The following GNAS variants were observed in gnomAD, a reference collection of about 807,000 sequenced individuals.
GNAS encodes the protein GNAS complex locus.
GNAS carries 8 observed loss-of-function variants against 54.5 expected under a neutral mutation model. That is an observed-to-expected ratio of 0.15 (90% CI 0.09 to 0.26). The LOEUF is 0.26. Among genes scored for constraint, GNAS ranks in the 10% least tolerant of loss-of-function variants. The pLI is 1.00. For missense variants in GNAS, 170 were observed against 529.8 expected, an observed-to-expected ratio of 0.32 and a Z score of 6.67; for synonymous variants, 204 against 191.4, an observed-to-expected ratio of 1.07 and a Z score of -0.54.
At position 58,910,954 on chromosome 20, in the gene GNAS, A is replaced by G; in HGVS notation, c.*125A>G. 2 of 996,336 alleles carry G rather than the reference A, an allele frequency of 2.0e-6. No homozygotes were observed. Among genetic ancestry groups the G allele is most frequent in the Non-Finnish European group, 3.1e-6 (2 of 648,196 alleles). 61.7% of individuals were successfully genotyped at this position (996,336 alleles called of 1,614,324 possible). A position where few individuals can be genotyped will look rare whatever the true frequency, so the allele number is the denominator to read the frequency against. On this transcript the variant is annotated 3_prime_UTR_variant, in exon 13 of 13. Coordinates refer to ENST00000371085, the MANE Select transcript of GNAS (RefSeq NM_000516.7). The surrounding 1 kb of genome is among the most constrained non-coding windows in gnomAD (Gnocchi z 5.8). ...ACAAAGCAACCTTTCCCTTCCCCCG[A>G]GTGATTTTGCGAAACCCCCTTTTCC...
upstream of GNAS, chr20:58,839,990 G>A (rs544068079): frequency 3.0e-4 from 346 of 1,146,876 alleles, 4 homozygotes; most frequent in South Asian, 4.2e-3. Context: ...TGGGACCTCC[G>A]GGCCAGCTTC....
intron 3 of GNAS, among the ~76,000 whole-genome samples, chr20:58,902,725 CTTTTTT>C (rs60022134): frequency 4.3e-4 from 30 of 69,508 alleles, no homozygotes; most frequent in African/African-American, 1.1e-3. Flanking sequence ...GCACATACGA[CTTTTTT>C]TTTTTTTTTT....
chr20:58,899,827 C>A, intron 3 of GNAS: 2 of 679,848 alleles, frequency 2.9e-6, no homozygotes, highest in East Asian at 2.7e-5. Context: ...CCATCCAGAA[C>A]CATTGACTTA....
intron 1 of GNAS, among the ~76,000 whole-genome samples, chr20:58,884,149 G>T (rs796346269): frequency 6.6e-6 from 1 of 152,134 alleles, no homozygotes; most frequent in Non-Finnish European, 1.5e-5. Context: ...AGACCATAAC[G>T]GCAGGGCTGT....
At position 58,909,502 on chromosome 20, in the gene GNAS, C is replaced by T. The variant is rs370723643; in HGVS notation, c.660-19C>T. On this transcript the variant is annotated intron_variant, in intron 8 of 12. Transcript: ENST00000371085. This position sits in a 1 kb window ranked among gnomAD's most constrained non-coding sequence, Gnocchi z 7.3. ...ACCCCAGTCCCTCTGGAATAACCAG[C>T]TGTCCTCCTCCCCACCAGCATGTTT... 4.3e-6 allele frequency: 7 copies of T among 1,613,794 alleles called. No individual in the cohort carries two copies. In the African/African-American group the frequency reaches 6.7e-5, roughly 15 times the overall value.
chr20:58,855,197 G>A lies in GNAS; in HGVS notation c.43+14311G>A, dbSNP rs1342571328. The stretch of plus-strand genomic sequence containing the variant: ...TCAAGAAGGTACCCCTGGCGGAGAA[G>A]CGCAGACAGATGCGCAAAGAAGCCC... On this transcript the variant is annotated intron_variant, in intron 1 of 12. Transcript: ENST00000306090. The A allele has an allele frequency of 3.7e-6, 6 of 1,604,284 alleles. No individual in the cohort carries two copies. Among genetic ancestry groups the A allele is most frequent in the Non-Finnish European group, 3.4e-6 (4 of 1,175,466 alleles).
At chr20:58,842,522 G>A (rs960798976) in intron 1 of GNAS, 6 of 398,518 alleles carry the variant, frequency 1.5e-5, no homozygotes, top group African/African-American at 1.0e-4. Context: ...CGCAGACTGT[G>A]GTTGGATGCT....
At chr20:58,895,750 A>G (rs1260217523) in intron 2 of GNAS, 66 bp downstream of exon 2, 2 of 951,636 alleles carry the variant, frequency 2.1e-6, no homozygotes, top group Non-Finnish European at 3.5e-6. Context: ...AACCTTTAGG[A>G]AGTATAGGTG....
chr20:58,890,322 G>A (rs1469679905), upstream of GNAS, among the ~76,000 whole-genome samples: 2 of 147,430 alleles, frequency 1.4e-5, no homozygotes, highest in Non-Finnish European at 3.0e-5. Context: ...GGGCGCCGAG[G>A]AGGGCGCCGC....
At chr20:58,869,139 A>G (rs2087265741) in intron 1 of GNAS, among the ~76,000 whole-genome samples, 1 of 152,240 alleles carries the variant, frequency 6.6e-6, no homozygotes, top group Non-Finnish European at 1.5e-5. Flanking sequence ...ACGATCAGGT[A>G]ACCTCCAGAT....
At chr20:58,848,736 CACCCCCAGCTCTTACTAT>C (rs2086038778) in intron 1 of GNAS, 1 of 394,104 alleles carries the variant, frequency 2.5e-6, no homozygotes, top group Non-Finnish European at 4.5e-6. Flanking sequence ...ACTAGCCGAT[CACCCCCAGCTCTTACTAT>C]ACCGGATTCC....
At chr20:58,879,715 A>G (rs2088097108) in intron 1 of GNAS, among the ~76,000 whole-genome samples, 1 of 152,180 alleles carries the variant, frequency 6.6e-6, no homozygotes, top group Non-Finnish European at 1.5e-5. Context: ...GAGGGGGGAA[A>G]TGAAGCAGCA....
Position 58,853,731 on chromosome 20 carries a change from C to T in GNAS, c.43+12845C>T. Reference sequence around the variant, plus strand: ...CAGACCAGGCCTGGGAGGATACAGCCCTCCACCAGAAGAAGCTATGCCCTT... The same window carrying T: ...CAGACCAGGCCTGGGAGGATACAGCTCTCCACCAGAAGAAGCTATGCCCTT... On this transcript the variant is annotated intron_variant, in intron 1 of 12. Coordinates refer to the GNAS transcript ENST00000306090. The surrounding 1 kb of genome is among the most constrained non-coding windows in gnomAD (Gnocchi z 4.4). 6.2e-7 allele frequency: 1 copy of T among 1,613,848 alleles called. No homozygotes were observed. The highest frequency in any genetic ancestry group is 2.2e-5 in the East Asian group (1 of 44,862).
At chr20:58,854,338 C>T in intron 1 of GNAS, 1 of 1,589,800 alleles carries the variant, frequency 6.3e-7, no homozygotes, top group African/African-American at 1.3e-5. Flanking sequence ...GAGGAGGAAG[C>T]AGCAGAGATG....
At chr20:58,890,489 C>T (rs866533722), upstream of GNAS, among the ~76,000 whole-genome samples, 3 of 152,026 alleles carry the variant, frequency 2.0e-5, no homozygotes, top group Non-Finnish European at 4.4e-5. Context: ...TCGTGGTGTT[C>T]CTGGTCTTCT....
intron 1 of GNAS, among the ~76,000 whole-genome samples, chr20:58,862,116 A>G (rs1054836143): frequency 1.3e-5 from 2 of 152,112 alleles, no homozygotes; most frequent in Non-Finnish European, 2.9e-5. Context: ...CTTGGCACAT[A>G]TAAGTACCCC....
At chr20:58,866,575 A>G (rs2087078448) in intron 1 of GNAS, among the ~76,000 whole-genome samples, 1 of 152,202 alleles carries the variant, frequency 6.6e-6, no homozygotes, top group South Asian at 2.1e-4. Flanking sequence ...TCAAGTAACC[A>G]TTATGGAAGG....
chr20:58,885,263 G>GTCAGGAAAGA (rs1412322986), intron 1 of GNAS, among the ~76,000 whole-genome samples: 2 of 152,124 alleles, frequency 1.3e-5, no homozygotes, highest in Non-Finnish European at 2.9e-5. Flanking sequence ...CCATCAGAGA[G>GTCAGGAAAGA]TCAGGAAAGA....
rs750476868 is a variant in GNAS at position 58,910,329 on chromosome 20, T to C, written c.971-5T>C. The C allele has an allele frequency of 1.2e-6, 2 of 1,601,294 alleles. No homozygotes were observed. The highest frequency in any genetic ancestry group is 1.3e-5 in the African/African-American group (1 of 74,792). The stretch of plus-strand genomic sequence containing the variant: ...TACATTAATATGTATTCCCTTTTTA[T>C]ATAGCTACTCCCGAGCCCGGAGAGG... On this transcript the variant is annotated splice_region_variant and splice_polypyrimidine_tract_variant and intron_variant, in intron 11 of 12. Transcript: ENST00000371085. The surrounding 1 kb of genome is among the most constrained non-coding windows in gnomAD (Gnocchi z 5.8).
Sources: gnomAD v4.1 joint callset for allele counts (sites outside exome capture counted in the v4.1 genomes callset) on GRCh38, gnomAD v4.1.1 for gene constraint, Gnocchi (gnomAD v3.1) non-coding constraint, MANE v1.5 for transcripts, NCBI Gene and HGNC (gene_info 2026-07-23, HGNC 2026-07-21) for gene names.